The following UGT1A4 variants were observed in gnomAD, a reference collection of about 807,000 sequenced individuals.
UGT1A4 encodes UDP glucuronosyltransferase family 1 member A4, also known as UDP-glucuronosyltransferase 1A4.
Under a neutral mutation model 41.1 loss-of-function variants are expected in UGT1A4, and 32 were observed. The observed-to-expected ratio is 0.78, with a 90% CI of 0.59 to 1.05. UGT1A4 has a LOEUF of 1.05. Ranked by LOEUF, UGT1A4 falls within the 50% of genes least tolerant of loss-of-function variation. UGT1A4 has a pLI of 0.00. For synonymous variants in UGT1A4, 283 were observed against 265.1 expected (o/e 1.07, Z -0.66); for missense variants, 748 against 677.4 (o/e 1.10, Z -1.16).
chr2:233,756,159 C>T (rs1012245411), intron 1 of UGT1A4: 2 of 152,210 alleles, frequency 1.3e-5, no homozygotes, highest in Non-Finnish European at 2.9e-5. Context: ...CCTAGGATTT[C>T]CTGGCTCATA....
At chr2:233,728,783 A>G (rs1324632843) in intron 1 of UGT1A4, among the ~76,000 whole-genome samples, 1 of 152,246 alleles carries the variant, frequency 6.6e-6, no homozygotes, top group East Asian at 1.9e-4. Flanking sequence ...CCTGATAAAC[A>G]TGGTTAACAG....
chr2:233,754,399 C>T (rs1054804), intron 1 of UGT1A4: 9,950 of 333,324 alleles, frequency 0.03, 183 homozygotes, highest in African/African-American at 0.05. Flanking sequence ...CCTATCCGTG[C>T]AGTCCCAACA....
chr2:233,747,876 T>C, intron 1 of UGT1A4: 1 of 1,613,612 alleles, frequency 6.2e-7, no homozygotes, highest in South Asian at 1.1e-5. Context: ...GGCCCTGTCC[T>C]ACCTTTGCCA....
chr2:233,743,842 C>T (rs1312488571), intron 1 of UGT1A4: 2 of 1,367,178 alleles, frequency 1.5e-6, no homozygotes, highest in Admixed American at 3.8e-5. Flanking sequence ...TGAGCGCCAG[C>T]TTGCGGTACG....
chr2:233,746,322 CT>C (rs1693360361), intron 1 of UGT1A4, among the ~76,000 whole-genome samples: 1 of 151,756 alleles, frequency 6.6e-6, no homozygotes, highest in Admixed American at 6.5e-5. Flanking sequence ...TGTAGATGAT[CT>C]ACAGGGCAAT....
intron 1 of UGT1A4, chr2:233,760,497 C>T (rs1553620689): frequency 2.5e-6 from 4 of 1,614,200 alleles, no homozygotes; most frequent in East Asian, 2.2e-5. Flanking sequence ...ACATCAGAGA[C>T]GGAGCATTTT....
At chr2:233,728,962 CAG>C in intron 1 of UGT1A4, 1 of 1,451,584 alleles carries the variant, frequency 6.9e-7, no homozygotes, top group Non-Finnish European at 9.2e-7. Flanking sequence ...CAGTGAAAAA[CAG>C]TGATAGATTA....
intron 1 of UGT1A4, among the ~76,000 whole-genome samples, chr2:233,739,279 C>G (rs11691824): frequency 0.034 from 5,129 of 152,284 alleles, 99 homozygotes; most frequent in African/African-American, 0.051. Flanking sequence ...AGCCCCCACA[C>G]AGAGTCTCCA....
intron 1 of UGT1A4, among the ~76,000 whole-genome samples, chr2:233,724,315 G>A (rs1179998085): frequency 6.7e-6 from 1 of 148,800 alleles, no homozygotes; most frequent in African/African-American, 2.5e-5. Flanking sequence ...CTCCCGGACG[G>A]GGCGGCTGGC....
chr2:233,724,124 T>C (rs2077171424), intron 1 of UGT1A4, among the ~76,000 whole-genome samples: 1 of 109,210 alleles, frequency 9.2e-6, no homozygotes. Flanking sequence ...GAGGCGCCCC[T>C]CACCTCCCGG....
intron 1 of UGT1A4, chr2:233,743,635 G>C: frequency 1.5e-6 from 2 of 1,367,296 alleles, no homozygotes; most frequent in Non-Finnish European, 2.0e-6. Flanking sequence ...CGGCTGGGTC[G>C]CGGAAGCTGA....
In UGT1A4 at chr2:233,768,069, G is replaced by T. The variant is rs191770279; in HGVS notation, c.1087+133G>T. ...CATATCCTACATTGCTTTTTATCTAGTGGGGTATCTCAACCCACATTTTCT... is the reference window on the plus strand; with the variant it reads ...CATATCCTACATTGCTTTTTATCTATTGGGGTATCTCAACCCACATTTTCT... On this transcript the variant is annotated intron_variant, in intron 3 of 4. Transcript: ENST00000373409. The T allele has an allele frequency of 3.1e-6, 5 of 1,596,368 alleles. No homozygotes were observed. In the East Asian group the frequency reaches 1.1e-4, roughly 36 times the overall value.
At chr2:233,743,013 C>T (rs1054809) in intron 1 of UGT1A4, 1 of 235,812 alleles carries the variant, frequency 4.2e-6, no homozygotes, top group Non-Finnish European at 8.4e-6. Context: ...TATTTTACAA[C>T]GATTGAAAGA....
At chr2:233,763,919 C>T (rs748972276) in intron 1 of UGT1A4, among the ~76,000 whole-genome samples, 11 of 152,168 alleles carry the variant, frequency 7.2e-5, no homozygotes, top group African/African-American at 2.4e-4. Context: ...ACCAAGGCTT[C>T]GAGATGGCCA....
intron 1 of UGT1A4, chr2:233,729,392 T>A (rs1335672104): frequency 6.2e-7 from 1 of 1,613,876 alleles, no homozygotes; most frequent in Non-Finnish European, 8.5e-7. Flanking sequence ...CAGGATGAAT[T>A]TGATCGCCAT....
intron 1 of UGT1A4, chr2:233,721,896 G>A (rs1237120239): frequency 1.5e-5 from 7 of 474,202 alleles, no homozygotes; most frequent in South Asian, 3.1e-5. Context: ...TTGCAATATC[G>A]AAATGGTGCA....
chr2:233,725,060 G>A (rs969335161), intron 1 of UGT1A4, among the ~76,000 whole-genome samples: 12 of 147,180 alleles, frequency 8.2e-5, no homozygotes, highest in African/African-American at 2.0e-4. Flanking sequence ...GGCGGCGCGC[G>A]CCTGCAATCG....
chr2:233,726,544 G>A (rs543814105), intron 1 of UGT1A4, among the ~76,000 whole-genome samples: 35 of 152,224 alleles, frequency 2.3e-4, no homozygotes, highest in Non-Finnish European at 4.0e-4. Flanking sequence ...GCAGTGCAGC[G>A]TCTTCAAGTC....
rs543813427 is a variant in UGT1A4, at chr2:233,762,081, T to A, written c.868-4953T>A. Among the ~76,000 whole-genome samples, 15 of 152,334 alleles carry A rather than the reference T, an allele frequency of 9.8e-5. No homozygotes were observed. In the South Asian group the frequency reaches 3.1e-3, roughly 32 times the overall value. On this transcript the variant is annotated intron_variant, in intron 1 of 4. Transcript: ENST00000373409. ...TAGCACATCAAATATGGCAGCCATT[T>A]CACTTAGATAGTTGTTGATTGTCCG...
Sources: allele counts gnomAD v4.1 joint callset (sites outside exome capture counted in the v4.1 genomes callset), GRCh38; gene constraint gnomAD v4.1.1; transcripts MANE v1.5; gene names NCBI Gene and HGNC (gene_info 2026-07-23, HGNC 2026-07-21).